The following OR2H2 variants were observed in gnomAD, a reference collection of about 807,000 sequenced individuals.
OR2H2 encodes olfactory receptor family 2 subfamily H member 2.
For missense variants in OR2H2, 295 were observed against 313.7 expected, an observed-to-expected ratio of 0.94 and a Z score of 0.45; for synonymous variants, 146 against 132.4, an observed-to-expected ratio of 1.10 and a Z score of -0.71.
chr6:29,589,138 A>G lies in OR2H2; in HGVS notation c.*255A>G, dbSNP rs756377317. On this transcript the variant is annotated 3_prime_UTR_variant, in exon 2 of 2. Transcript: ENST00000641840. ...TTTTCTACTTTAAGTCTTCGCCTCC[A>G]TAGTCATGTTCCTACCTTTATCACT... The G allele has an allele frequency of 4.5e-5, 23 of 510,990 alleles. No homozygotes were observed. Among genetic ancestry groups the G allele is most frequent in the Non-Finnish European group, 7.7e-5 (22 of 284,908 alleles). 31.7% of individuals were successfully genotyped at this position (510,990 alleles called of 1,614,324 possible).
intron 1 of OR2H2, among the ~76,000 whole-genome samples, chr6:29,585,744 C>T (rs1271176808): frequency 2.0e-5 from 3 of 151,914 alleles, no homozygotes; most frequent in African/African-American, 7.3e-5. Context: ...TAGACCAATG[C>T]ATGAATATTT....
chr6:29,586,417 G>C (rs1760255630), intron 1 of OR2H2, among the ~76,000 whole-genome samples: 1 of 151,108 alleles, frequency 6.6e-6, no homozygotes, highest in Non-Finnish European at 1.5e-5. Context: ...CTTGAGCCCA[G>C]GAGGTGGAAG....
Position 29,587,241 on chromosome 6 carries a change from G to A in OR2H2, c.-275-429G>A, listed in dbSNP as rs577786060. The stretch of plus-strand genomic sequence containing the variant: ...TGCCTCCTACTTGTAAGCTACTCAT[G>A]GCAAGGACGAAGCATGTGGACCAAT... On this transcript the variant is annotated intron_variant, in intron 1 of 1. Coordinates refer to ENST00000641840, the MANE Select transcript of OR2H2 (RefSeq NM_007160.4). 2.6e-5 allele frequency among the ~76,000 whole-genome samples: 4 copies of A among 152,232 alleles called. No homozygotes were observed. In the East Asian group the frequency reaches 5.8e-4, roughly 22 times the overall value.
At chr6:29,587,219 C>T (rs763857365) in intron 1 of OR2H2, among the ~76,000 whole-genome samples, 1 of 152,142 alleles carries the variant, frequency 6.6e-6, no homozygotes, top group Non-Finnish European at 1.5e-5. Context: ...CCACTCTTGC[C>T]TCCTACTTGT....
chr6:29,588,576 T>G lies in OR2H2; in HGVS notation c.632T>G (p.Leu211Arg), dbSNP rs765268885. 1 of 1,026,782 alleles carries G rather than the reference T, an allele frequency of 9.7e-7. No homozygotes were observed. Among genetic ancestry groups the G allele is most frequent in the East Asian group, 2.4e-5 (1 of 42,296 alleles). The allele number at this position is 1,026,782 out of a possible 1,614,324, so 63.6% of individuals were successfully genotyped here. A position where few individuals can be genotyped will look rare whatever the true frequency, so the allele number is the denominator to read the frequency against. ...TTCATCTTGGTTGTGCCTCTCAGCC[T>G]CATCCTTGTCTCTTACGGAGCCATT... ...SVFILVVPLS[L>R]ILVSYGAITW... The change falls in exon 2 of 2, where the codon CTC (leucine) becomes CGC (arginine). Residue 211 changes from leucine (L) to arginine (R), a missense_variant. Leu to Arg is a moderately radical substitution (Grantham distance 102). Transcript: ENST00000641840.
At chr6:29,586,835 C>T (rs188490840) in intron 1 of OR2H2, among the ~76,000 whole-genome samples, 36 of 152,250 alleles carry the variant, frequency 2.4e-4, no homozygotes, top group African/African-American at 8.2e-4. Flanking sequence ...GTGTGGCCCA[C>T]CATCTCATCT....
rs201155078 is a variant in OR2H2 at position 29,588,749 on chromosome 6, G to T, written c.805G>T (p.Gly269Cys). Residue 269 changes from glycine (G) to cysteine (C), a missense_variant, in exon 2 of 2, where the codon GGC (glycine) becomes TGC (cysteine). Transcript: ENST00000641840. ...CAAAAATCCCTATGCCCAAGAGAGG[G>T]GCAAGTTCTTTGGTCTCTTCTATGC... ...QPKNPYAQER[G>C]KFFGLFYAVG... 9.3e-5 allele frequency: 119 copies of T among 1,285,818 alleles called. No individual in the cohort carries two copies. Among genetic ancestry groups the T allele is most frequent in the Non-Finnish European group, 1.2e-4 (104 of 882,080 alleles). The allele number at this position is 1,285,818 out of a possible 1,614,324, so 79.7% of individuals were successfully genotyped here. A position where few individuals can be genotyped will look rare whatever the true frequency, so the allele number is the denominator to read the frequency against.
intron 1 of OR2H2, among the ~76,000 whole-genome samples, chr6:29,586,186 G>A (rs1053702009): frequency 6.6e-6 from 1 of 152,184 alleles, no homozygotes; most frequent in African/African-American, 2.4e-5. Context: ...AAATGAAAGC[G>A]AAGGCATAAT....
chr6:29,588,549 T>C lies in OR2H2; in HGVS notation c.605T>C (p.Val202Ala), dbSNP rs1249624683. 4.1e-6 allele frequency: 4 copies of C among 967,496 alleles called. No homozygotes were observed. The South Asian group carries it at 5.1e-5, about 12-fold the overall frequency. 59.9% of individuals were successfully genotyped at this position (967,496 alleles called of 1,614,324 possible). A position where few individuals can be genotyped will look rare whatever the true frequency, so the allele number is the denominator to read the frequency against. ...YNEIQVAVAS[V>A]FILVVPLSLI... ...GAGATCCAGGTGGCTGTTGCCAGTG[T>C]CTTCATCTTGGTTGTGCCTCTCAGC... is the stretch of plus-strand genomic sequence containing the variant. Residue 202 changes from valine (V) to alanine (A), a missense_variant, in exon 2 of 2, where the codon GTC becomes GCC. By Grantham distance (64) the Val-to-Ala change is moderately conservative. Coordinates refer to ENST00000641840, the MANE Select transcript of OR2H2 (RefSeq NM_007160.4).
In OR2H2 at chr6:29,588,666, C is replaced by G. The variant is rs1273415487; in HGVS notation, c.722C>G (p.Ser241Cys). ...GRRKAFGTCS[S>C]HLTVVTLFYS... Reference sequence around the variant, plus strand: ...AGGAAAGCTTTTGGGACCTGCTCCTCCCATCTCACTGTGGTCACCCTCTTC... The same window carrying G: ...AGGAAAGCTTTTGGGACCTGCTCCTGCCATCTCACTGTGGTCACCCTCTTC... Residue 241 changes from serine to cysteine, a missense_variant, in exon 2 of 2, where the codon TCC becomes TGC. Coordinates refer to ENST00000641840, the MANE Select transcript of OR2H2 (RefSeq NM_007160.4). 1 of 1,467,938 alleles carries G rather than the reference C, an allele frequency of 6.8e-7. No individual in the cohort carries two copies. Among genetic ancestry groups the G allele is most frequent in the East Asian group, 2.3e-5 (1 of 44,182 alleles). The allele number at this position is 1,467,938 out of a possible 1,614,324, so 90.9% of individuals were successfully genotyped here.
chr6:29,588,551 T>C lies in OR2H2; in HGVS notation c.607T>C (p.Phe203Leu). Reference sequence around the variant, plus strand: ...GATCCAGGTGGCTGTTGCCAGTGTCTTCATCTTGGTTGTGCCTCTCAGCCT... The same window carrying C: ...GATCCAGGTGGCTGTTGCCAGTGTCCTCATCTTGGTTGTGCCTCTCAGCCT... Reference protein sequence around the residue: ...NEIQVAVASVFILVVPLSLIL... With the variant: ...NEIQVAVASVLILVVPLSLIL... Residue 203 changes from phenylalanine to leucine, a missense_variant, in exon 2 of 2, where the codon TTC becomes CTC. Physicochemically the swap from Phe to Leu is conservative, Grantham distance 22. Transcript: ENST00000641840. The C allele has an allele frequency of 1.0e-6, 1 of 969,832 alleles. No individual in the cohort carries two copies. The highest frequency in any genetic ancestry group is 1.7e-6 in the Non-Finnish European group (1 of 592,144). The allele number at this position is 969,832 out of a possible 1,614,324, so 60.1% of individuals were successfully genotyped here. A position where few individuals can be genotyped will look rare whatever the true frequency, so the allele number is the denominator to read the frequency against.
At chr6:29,587,039 A>G (rs957870713) in intron 1 of OR2H2, among the ~76,000 whole-genome samples, 3 of 152,170 alleles carry the variant, frequency 2.0e-5, no homozygotes, top group Non-Finnish European at 4.4e-5. Context: ...TTGGTCAGTC[A>G]TCCTACAGAA....
Position 29,589,034 on chromosome 6 carries a change from C to A in OR2H2, c.*151C>A. 1 of 602,694 alleles carries A rather than the reference C, an allele frequency of 1.7e-6. No individual in the cohort carries two copies. Among genetic ancestry groups the A allele is most frequent in the Non-Finnish European group, 3.0e-6 (1 of 330,036 alleles). The allele number at this position is 602,694 out of a possible 1,614,324, so 37.3% of individuals were successfully genotyped here. ...GTCTGTGTGTGTGCATGTATGTGTG[C>A]AAGAGACAGCGACTGAAATGTAGTA... On this transcript the variant is annotated 3_prime_UTR_variant, in exon 2 of 2. Coordinates refer to ENST00000641840, the MANE Select transcript of OR2H2 (RefSeq NM_007160.4).
Position 29,587,909 on chromosome 6 carries a change from C to G in OR2H2, c.-36C>G, listed in dbSNP as rs2127359163. ...GACAGGTTGAATCACACTGGAGTGA[C>G]AGCCTCATCCCTCCAGGTACAAACA... On this transcript the variant is annotated 5_prime_UTR_variant, in exon 2 of 2. Coordinates refer to ENST00000641840, the MANE Select transcript of OR2H2 (RefSeq NM_007160.4). The G allele has an allele frequency of 4.0e-6, 3 of 750,256 alleles. No individual in the cohort carries two copies. The highest frequency in any genetic ancestry group is 1.5e-5 in the South Asian group (1 of 65,888). The allele number at this position is 750,256 out of a possible 1,614,324, so 46.5% of individuals were successfully genotyped here.
In OR2H2 at chr6:29,589,021, G is replaced by A. The variant is rs1160025348; in HGVS notation, c.*138G>A. ...ATGAAAGCCACATGTCTGTGTGTGT[G>A]CATGTATGTGTGCAAGAGACAGCGA... is the stretch of plus-strand genomic sequence containing the variant. On this transcript the variant is annotated 3_prime_UTR_variant, in exon 2 of 2. Coordinates refer to ENST00000641840, the MANE Select transcript of OR2H2 (RefSeq NM_007160.4). 4.8e-6 allele frequency: 3 copies of A among 622,254 alleles called. No individual in the cohort carries two copies. The highest frequency in any genetic ancestry group is 1.8e-5 in the African/African-American group (1 of 54,110). The allele number at this position is 622,254 out of a possible 1,614,324, so 38.5% of individuals were successfully genotyped here.
chr6:29,588,446 C>A lies in OR2H2; in HGVS notation c.502C>A (p.Pro168Thr). ...TPSTLHLPFC[P>T]DRQVDDFVCE... ...ATCCACCCTGCACCTGCCCTTCTGC[C>A]CCGATCGGCAGGTGGATGATTTTGT... Residue 168 changes from proline (P) to threonine (T), a missense_variant, in exon 2 of 2, where the codon CCC becomes ACC. Pro to Thr is a conservative substitution (Grantham distance 38, BLOSUM62 -1). Transcript: ENST00000641840. 2 of 1,389,358 alleles carry A rather than the reference C, an allele frequency of 1.4e-6. No homozygotes were observed. The highest frequency in any genetic ancestry group is 2.3e-5 in the South Asian group (2 of 86,596). 86.1% of individuals were successfully genotyped at this position (1,389,358 alleles called of 1,614,324 possible).
At position 29,589,162 on chromosome 6, in the gene OR2H2, C is replaced by T. The variant is rs1430607347; in HGVS notation, c.*279C>T. The T allele has an allele frequency of 7.1e-6, 3 of 423,008 alleles. No homozygotes were observed. Among genetic ancestry groups the T allele is most frequent in the South Asian group, 1.2e-4 (2 of 16,618 alleles). 26.2% of individuals were successfully genotyped at this position (423,008 alleles called of 1,614,324 possible). ...CATAGTCATGTTCCTACCTTTATCA[C>T]TTCCATTTTTAATTCCCCTCCCTTG... On this transcript the variant is annotated 3_prime_UTR_variant, in exon 2 of 2. Transcript: ENST00000641840.
rs771163868 is a variant in OR2H2, at chr6:29,588,143, T to C, written c.199T>C (p.Leu67=). 3 of 1,180,990 alleles carry C rather than the reference T, an allele frequency of 2.5e-6. No homozygotes were observed. The South Asian group carries it at 3.6e-5, about 14-fold the overall frequency. 73.2% of individuals were successfully genotyped at this position (1,180,990 alleles called of 1,614,324 possible). The change falls in exon 2 of 2, where the codon TTG becomes CTG. Residue 67 remains leucine (L), a synonymous_variant. Transcript: ENST00000641840. Reference sequence around the variant, plus strand: ...CTTTTTCCTCTCCAACCTCTCCTTCTTGGACCTCTGTTTCACCACGAGTTG... The same window carrying C: ...CTTTTTCCTCTCCAACCTCTCCTTCCTGGACCTCTGTTTCACCACGAGTTG... ...MYFFLSNLSF[L]DLCFTTSCVP...
intron 1 of OR2H2, among the ~76,000 whole-genome samples, chr6:29,587,132 C>G (rs1390777474): frequency 6.6e-6 from 1 of 152,148 alleles, no homozygotes; most frequent in Admixed American, 6.5e-5. Flanking sequence ...TGAAAGACTA[C>G]AAGATTTAGG....
Sources: allele counts gnomAD v4.1 joint callset (sites outside exome capture counted in the v4.1 genomes callset), GRCh38; gene constraint gnomAD v4.1.1; transcripts MANE v1.5; gene names NCBI Gene and HGNC (gene_info 2026-07-23, HGNC 2026-07-21).